Variants in STAB2 observed in about 807,000 individuals in gnomAD.
STAB2 encodes the protein stabilin 2, also known as stabilin-2.
A neutral mutation model predicts 338.1 loss-of-function variants in STAB2; 288 were observed. That is an observed-to-expected ratio of 0.85 (90% confidence interval 0.77 to 0.94). The LOEUF (loss-of-function observed/expected upper bound fraction) is 0.94, where lower values mean the gene tolerates loss of function less well. Among genes scored for constraint, STAB2 ranks in the 40% least tolerant of loss-of-function variants. STAB2 has a pLI of 0.00. For synonymous variants in STAB2, 1,202 were observed against 1,193.3 expected (o/e 1.01, Z -0.15); for missense variants, 3,141 against 3,210.1 (o/e 0.98, Z 0.52).
rs34881989 is a variant in STAB2 at position 103,620,624 on chromosome 12, A to AACACAC, written c.417+96_417+101dup. On this transcript the variant is annotated intron_variant, in intron 4 of 68. Transcript: ENST00000388887. ...TCTTCTTACCTGTTGATCCTCCTTA[A>AACACAC]ACACACACACACACACACACACACA... 9.7e-3 allele frequency: 8,132 copies of AACACAC among 842,316 alleles called. 368 individuals are homozygous for AACACAC. In the African/African-American group the frequency reaches 0.13, roughly 13 times the overall value. The allele number at this position is 842,316 out of a possible 1,614,324, so 52.2% of individuals were successfully genotyped here. A position where few individuals can be genotyped will look rare whatever the true frequency, so the allele number is the denominator to read the frequency against.
At chr12:103,741,384 T>TC (rs1266798331) in intron 55 of STAB2, among the ~76,000 whole-genome samples, 1 of 152,190 alleles carries the variant, frequency 6.6e-6, no homozygotes, top group Non-Finnish European at 1.5e-5. Context: ...GAGTGCTTTT[T>TC]CCCATACATA....
At chr12:103,627,560 C>A (rs1368487582) in intron 5 of STAB2, among the ~76,000 whole-genome samples, 1 of 152,242 alleles carries the variant, frequency 6.6e-6, no homozygotes, top group Non-Finnish European at 1.5e-5. Context: ...AAACCCTCTG[C>A]CACTTACGTC....
At chr12:103,758,722 G>A (rs1884316358) in intron 64 of STAB2, among the ~76,000 whole-genome samples, 1 of 152,226 alleles carries the variant, frequency 6.6e-6, no homozygotes, top group Non-Finnish European at 1.5e-5. Context: ...GGAAGAACCA[G>A]GGCCACTGAT....
At position 103,763,476 on chromosome 12, in the gene STAB2, T is replaced by C. The variant is rs775708535; in HGVS notation, c.7489-16T>C. The C allele has an allele frequency of 1.2e-6, 2 of 1,612,746 alleles. No homozygotes were observed. The highest frequency in any genetic ancestry group is 1.7e-5 in the Admixed American group (1 of 59,938). The stretch of plus-strand genomic sequence containing the variant: ...TTGGGGATGCTCCTGGCTTTCATGC[T>C]TGTCTTTCCAAACAGTCGGAAGAGG... On this transcript the variant is annotated splice_polypyrimidine_tract_variant and intron_variant, in intron 67 of 68. Coordinates refer to ENST00000388887, the MANE Select transcript of STAB2 (RefSeq NM_017564.10).
chr12:103,684,459 A>T (rs1446890299), intron 26 of STAB2, among the ~76,000 whole-genome samples: 5 of 152,170 alleles, frequency 3.3e-5, no homozygotes, highest in Non-Finnish European at 7.3e-5. Flanking sequence ...AATCTCAAGA[A>T]CATTTTGCAA....
At chr12:103,676,062 T>TC in intron 24 of STAB2, 41 bp downstream of exon 24, 2 of 1,208,506 alleles carry the variant, frequency 1.7e-6, no homozygotes, top group Admixed American at 2.8e-5. Flanking sequence ...TGGTTTCTTT[T>TC]TTTTTTTTTT....
At chr12:103,598,107 G>A (rs1956903402) in intron 3 of STAB2, among the ~76,000 whole-genome samples, 1 of 152,098 alleles carries the variant, frequency 6.6e-6, no homozygotes, top group African/African-American at 2.4e-5. Flanking sequence ...TGCTCTGAGT[G>A]ACAAATAATG....
intron 9 of STAB2, among the ~76,000 whole-genome samples, chr12:103,647,235 G>A (rs1260368628): frequency 6.6e-6 from 1 of 152,184 alleles, no homozygotes; most frequent in African/African-American, 2.4e-5. Context: ...TCCAGGCAGA[G>A]GGTGGTAGGA....
chr12:103,759,558 C>A (rs1289364354), intron 65 of STAB2, among the ~76,000 whole-genome samples: 6 of 152,186 alleles, frequency 3.9e-5, no homozygotes, highest in Non-Finnish European at 5.9e-5. Flanking sequence ...TCAGACTATT[C>A]CAGGCATTAA....
At chr12:103,657,309 T>G (rs765349983) in intron 15 of STAB2, among the ~76,000 whole-genome samples, 1 of 150,868 alleles carries the variant, frequency 6.6e-6, no homozygotes, top group South Asian at 2.1e-4. Flanking sequence ...CCTGAGTACA[T>G]AGCTTCTAAT....
intron 3 of STAB2, 24 bp downstream of exon 3, chr12:103,594,534 T>C: frequency 6.5e-7 from 1 of 1,550,190 alleles, no homozygotes; most frequent in Non-Finnish European, 8.9e-7. Context: ...TGCTTGGACT[T>C]TGAGACTTGC....
intron 7 of STAB2, among the ~76,000 whole-genome samples, chr12:103,637,685 A>G (rs1957570766): frequency 6.6e-6 from 1 of 152,204 alleles, no homozygotes; most frequent in African/African-American, 2.4e-5. Flanking sequence ...TTCAGGGATT[A>G]TTGTAAAGAT....
intron 19 of STAB2, among the ~76,000 whole-genome samples, chr12:103,667,332 G>T (rs938969661): frequency 1.3e-5 from 2 of 152,202 alleles, no homozygotes; most frequent in African/African-American, 4.8e-5. Flanking sequence ...CACAGTGATT[G>T]CTGTGTGCCA....
intron 27 of STAB2, 66 bp downstream of exon 27, chr12:103,685,150 CCTT>C: frequency 7.1e-7 from 1 of 1,409,618 alleles, no homozygotes; most frequent in South Asian, 1.2e-5. Flanking sequence ...AGCTAAGATG[CCTT>C]TAAAGTGATC....
rs114428345 is a variant in STAB2 at position 103,658,306 on chromosome 12, C to T, written c.1735-2025C>T. 6.8e-3 allele frequency among the ~76,000 whole-genome samples: 1,042 copies of T among 152,238 alleles called. 11 individuals carry two copies. The highest frequency in any genetic ancestry group is 0.024 in the African/African-American group (986 of 41,534). Reference sequence around the variant, plus strand: ...TGCCCTCATAAAAGAAAGAATGTGTCGCACCAAAAGGCTCTTCAACAACGA... The same window carrying T: ...TGCCCTCATAAAAGAAAGAATGTGTTGCACCAAAAGGCTCTTCAACAACGA... On this transcript the variant is annotated intron_variant, in intron 15 of 68. Coordinates refer to ENST00000388887, the MANE Select transcript of STAB2 (RefSeq NM_017564.10).
intron 58 of STAB2, among the ~76,000 whole-genome samples, chr12:103,747,760 C>T (rs1296202779): frequency 3.3e-5 from 5 of 152,008 alleles, no homozygotes; most frequent in South Asian, 2.1e-4. Flanking sequence ...TTTGGGAGGC[C>T]GGGGTGGGCA....
At chr12:103,614,197 A>C (rs1447070308) in intron 3 of STAB2, among the ~76,000 whole-genome samples, 1 of 152,156 alleles carries the variant, frequency 6.6e-6, no homozygotes, top group Non-Finnish European at 1.5e-5. Flanking sequence ...GGTGCTTCTT[A>C]TTCTTGTACT....
chr12:103,708,607 T>G, intron 39 of STAB2, 71 bp downstream of exon 39: 1 of 1,428,776 alleles, frequency 7.0e-7, no homozygotes, highest in Non-Finnish European at 9.7e-7. Context: ...TTTTTCTTTC[T>G]AAAATATAAA....
intron 60 of STAB2, 147 bp from the exon 61 acceptor site, chr12:103,753,073 C>G: frequency 3.4e-6 from 3 of 877,650 alleles, no homozygotes; most frequent in Non-Finnish European, 5.1e-6. Context: ...AAATGATGTA[C>G]TTCAACATAA....
Sources: gnomAD v4.1 joint callset for allele counts (sites outside exome capture counted in the v4.1 genomes callset) on GRCh38, gnomAD v4.1.1 for gene constraint, MANE v1.5 for transcripts, NCBI Gene and HGNC (gene_info 2026-07-23, HGNC 2026-07-21) for gene names.